EPB41L1: variants seen among roughly 807,000 people sequenced by gnomAD.
EPB41L1 encodes band 4.1-like protein 1.
A neutral mutation model predicts 97.8 loss-of-function variants in EPB41L1; 29 were observed. The ratio of observed to expected loss-of-function variants is 0.30; its 90% CI spans 0.22 to 0.40. The LOEUF (loss-of-function observed/expected upper bound fraction) is 0.40, where lower values mean the gene tolerates loss of function less well. Among genes scored for constraint, EPB41L1 ranks in the 10% least tolerant of loss-of-function variants. EPB41L1 has a pLI of 1.00. For missense variants in EPB41L1, 812 were observed against 1,162.3 expected (o/e 0.70, Z 4.38); for synonymous variants, 383 against 459.2 (o/e 0.83, Z 2.12).
rs562467481 is a variant in EPB41L1, at chr20:36,193,539, G to A, written c.1301-673G>A. ...GGCATAGTCGGATTATGCCCAATGC[G>A]TGATGCGAAGTCTAGTTCCACCCCT... On this transcript the variant is annotated intron_variant, in intron 11 of 21. Transcript: ENST00000338074. Among the ~76,000 whole-genome samples, 10 of 152,314 alleles carry A rather than the reference G, an allele frequency of 6.6e-5. No individual in the cohort carries two copies. In the South Asian group the frequency reaches 1.5e-3, roughly 22 times the overall value.
chr20:36,190,510 TTGAATTGTTGTA>T lies in EPB41L1; in HGVS notation c.1125-111_1125-100del. On this transcript the variant is annotated intron_variant, in intron 10 of 21. Transcript: ENST00000338074. The surrounding 1 kb of genome is among the most constrained non-coding windows in gnomAD (Gnocchi z 5.8). ...CAAGTCCCTCCCTTCCTGGACCACTTTGAATTGTTGTAGTTGGTGGAGTAGTGGGATGAAAGG... is the reference window on the plus strand; with the variant it reads ...CAAGTCCCTCCCTTCCTGGACCACTTGTTGGTGGAGTAGTGGGATGAAAGG... 5 of 1,543,536 alleles carry T rather than the reference TTGAATTGTTGTA, an allele frequency of 3.2e-6. No homozygotes were observed. In the South Asian group the frequency reaches 5.7e-5, roughly 18 times the overall value.
At chr20:36,201,642 A>T (rs1210372456) in intron 14 of EPB41L1, among the ~76,000 whole-genome samples, 1 of 152,134 alleles carries the variant, frequency 6.6e-6, no homozygotes, top group Non-Finnish European at 1.5e-5. Flanking sequence ...TTGTAGAGAG[A>T]TTGGTCAGGC....
chr20:36,206,174 T>C lies in EPB41L1; in HGVS notation c.1669-3314T>C. 1 of 1,289,838 alleles carries C rather than the reference T, an allele frequency of 7.8e-7. No homozygotes were observed. Among genetic ancestry groups the C allele is most frequent in the Non-Finnish European group, 1.0e-6 (1 of 988,870 alleles). The allele number at this position is 1,289,838 out of a possible 1,614,324, so 79.9% of individuals were successfully genotyped here. A position where few individuals can be genotyped will look rare whatever the true frequency, so the allele number is the denominator to read the frequency against. ...GCTGCCCTGGCTTCCGGCCGCACAT[T>C]GGCAGAAAAGCTCCTCGAGGGCTCT... On this transcript the variant is annotated intron_variant, in intron 14 of 21. Coordinates refer to ENST00000338074, the MANE Select transcript of EPB41L1 (RefSeq NM_012156.2). This position sits in a 1 kb window ranked among gnomAD's most constrained non-coding sequence, Gnocchi z 5.5.
Position 36,209,792 on chromosome 20 carries a change from C to G in EPB41L1, c.1973C>G (p.Ser658Cys). Residue 658 changes from serine (S) to cysteine (C), a missense_variant, in exon 15 of 22, where the codon TCC becomes TGC. Physicochemically the swap from Ser to Cys is moderately radical, Grantham distance 112. This residue lies in a region of EPB41L1 where 498 missense variants were observed against 622.7 expected (regional missense o/e 0.80). Coordinates refer to ENST00000338074, the MANE Select transcript of EPB41L1 (RefSeq NM_012156.2). The surrounding 1 kb of genome is among the most constrained non-coding windows in gnomAD (Gnocchi z 4.2). ...SDSDTEGLLF[S>C]RDLNKGAPSQ... ...TCGGACACTGAGGGCCTGCTGTTCT[C>G]CCGGGATCTCAACAAGGGGGCCCCC... 1 of 1,613,974 alleles carries G rather than the reference C, an allele frequency of 6.2e-7. No homozygotes were observed. The highest frequency in any genetic ancestry group is 1.1e-5 in the South Asian group (1 of 91,076).
intron 14 of EPB41L1, chr20:36,205,722 G>A: frequency 1.1e-6 from 1 of 951,050 alleles, no homozygotes; most frequent in Admixed American, 3.5e-5. Flanking sequence ...CCAGTTCTGG[G>A]GATGTGCTGT....
At chr20:36,152,739 T>G (rs2060104506), upstream of EPB41L1, 1 of 329,750 alleles carries the variant, frequency 3.0e-6, no homozygotes. Context: ...TGAGCTAAAC[T>G]CAAACAGAGC....
At chr20:36,229,295 C>T in intron 21 of EPB41L1, 37 bp from the exon 22 acceptor site, 1 of 1,552,308 alleles carries the variant, frequency 6.4e-7, no homozygotes. Flanking sequence ...CCCCCCACTC[C>T]CCACCCCCCA....
chr20:36,108,747 T>G (rs1458276811), intron 1 of EPB41L1, among the ~76,000 whole-genome samples: 1 of 152,168 alleles, frequency 6.6e-6, no homozygotes, highest in Non-Finnish European at 1.5e-5. Context: ...TGTATTTCTA[T>G]TTGACAACAC....
intron 2 of EPB41L1, among the ~76,000 whole-genome samples, chr20:36,116,445 T>G (rs921568284): frequency 2.0e-4 from 30 of 152,282 alleles, no homozygotes; most frequent in African/African-American, 7.2e-4. Flanking sequence ...CCAGGAGAGC[T>G]CAACACAGGT....
chr20:36,209,930 G>T lies in EPB41L1; in HGVS notation c.2079+32G>T, dbSNP rs151128184. On this transcript the variant is annotated intron_variant, in intron 15 of 21. Coordinates refer to ENST00000338074, the MANE Select transcript of EPB41L1 (RefSeq NM_012156.2). The surrounding 1 kb of genome is among the most constrained non-coding windows in gnomAD (Gnocchi z 4.2). Reference sequence around the variant, plus strand: ...TGGAGCTTCCTCAAGAGCCAGGCCCGCTGGGCACCGCATGCTCAGAGGGCC... The same window carrying T: ...TGGAGCTTCCTCAAGAGCCAGGCCCTCTGGGCACCGCATGCTCAGAGGGCC... The T allele has an allele frequency of 6.2e-7, 1 of 1,608,566 alleles. No homozygotes were observed. The highest frequency in any genetic ancestry group is 1.1e-5 in the South Asian group (1 of 90,302).
chr20:36,199,991 T>C (rs1175475616), intron 14 of EPB41L1, among the ~76,000 whole-genome samples: 1 of 152,186 alleles, frequency 6.6e-6, no homozygotes, highest in Admixed American at 6.5e-5. Flanking sequence ...CTCCCAGCCC[T>C]GCTCAGCCGC....
intron 14 of EPB41L1, among the ~76,000 whole-genome samples, chr20:36,198,939 T>G (rs1394469821): frequency 6.6e-6 from 1 of 152,054 alleles, no homozygotes; most frequent in Non-Finnish European, 1.5e-5. Flanking sequence ...CATGGGGATG[T>G]TGTAAGGATT....
Position 36,173,861 on chromosome 20 carries a change from G to C in EPB41L1, c.84G>C (p.Val28=). ...APQQPEAAAA[V]TTPVTPAGHG... is the part of the protein sequence containing the mutation. Reference sequence around the variant, plus strand: ...AGCAGCCCGAGGCTGCTGCCGCTGTGACCACCCCTGTGACCCCTGCAGGCC... The same window carrying C: ...AGCAGCCCGAGGCTGCTGCCGCTGTCACCACCCCTGTGACCCCTGCAGGCC... The change falls in exon 2 of 22, where the codon GTG becomes GTC. Residue 28 remains valine (V), a synonymous_variant. Transcript: ENST00000338074. 1.9e-6 allele frequency: 3 copies of C among 1,613,932 alleles called. No homozygotes were observed. Among genetic ancestry groups the C allele is most frequent in the Non-Finnish European group, 2.5e-6 (3 of 1,179,910 alleles).
At chr20:36,219,185 G>A (rs942023655) in intron 18 of EPB41L1, among the ~76,000 whole-genome samples, 2 of 152,182 alleles carry the variant, frequency 1.3e-5, no homozygotes, top group Non-Finnish European at 2.9e-5. Context: ...GTGGGGCATT[G>A]GTGACATGTG....
upstream of EPB41L1, among the ~76,000 whole-genome samples, chr20:36,154,278 C>T (rs536314077): frequency 2.1e-3 from 327 of 152,294 alleles, no homozygotes; most frequent in Non-Finnish European, 3.5e-3. The surrounding 1 kb of genome is among the most constrained non-coding windows in gnomAD (Gnocchi z 5.5). Context: ...TGAGTCACCC[C>T]TTCTGAGTCA....
chr20:36,184,317 G>C lies in EPB41L1; in HGVS notation c.567-800G>C, dbSNP rs1412324504. On this transcript the variant is annotated intron_variant, in intron 6 of 21. Transcript: ENST00000338074. Reference sequence around the variant, plus strand: ...AAAAATGGACAGGGAGGCATCGTTGGCTAAAAATGAAACTTTTTTTTAATA... The same window carrying C: ...AAAAATGGACAGGGAGGCATCGTTGCCTAAAAATGAAACTTTTTTTTAATA... Among the ~76,000 whole-genome samples the C allele has an allele frequency of 3.9e-5, 6 of 152,036 alleles. 1 individual carries two copies. In the South Asian group the frequency reaches 1.2e-3, roughly 32 times the overall value.
At position 36,197,517 on chromosome 20, in the gene EPB41L1, G is replaced by A. The variant is rs7274975; in HGVS notation, c.1486-342G>A. The stretch of plus-strand genomic sequence containing the variant: ...GGAAGTCACCTCTGTGACTAAGACC[G>A]GGCTTATAGCACCACAGGGAACTCA... On this transcript the variant is annotated intron_variant, in intron 13 of 21. Coordinates refer to ENST00000338074, the MANE Select transcript of EPB41L1 (RefSeq NM_012156.2). 1.4e-3 allele frequency: 604 copies of A among 444,480 alleles called. 5 individuals carry two copies. Among genetic ancestry groups the A allele is most frequent in the African/African-American group, 0.012 (552 of 46,988 alleles). 27.5% of individuals were successfully genotyped at this position (444,480 alleles called of 1,614,324 possible). A position where few individuals can be genotyped will look rare whatever the true frequency, so the allele number is the denominator to read the frequency against.
chr20:36,155,070 C>T (rs764402927), intron 1 of EPB41L1, 174 bp downstream of exon 1: 1 of 608,012 alleles, frequency 1.6e-6, no homozygotes, highest in South Asian at 1.5e-5. Flanking sequence ...TACCGGTCTG[C>T]AGCCTCCTCC....
intron 1 of EPB41L1, among the ~76,000 whole-genome samples, chr20:36,095,104 T>A (rs1292129573): frequency 6.6e-6 from 1 of 152,180 alleles, no homozygotes; most frequent in East Asian, 1.9e-4. Context: ...CCCAAGTAGC[T>A]GGGATTACAG....
Sources: gnomAD v4.1 joint callset for allele counts (sites outside exome capture counted in the v4.1 genomes callset) on GRCh38, gnomAD v4.1.1 for gene constraint, gnomAD v4.1.1 regional missense constraint, Gnocchi (gnomAD v3.1) non-coding constraint, MANE v1.5 for transcripts, NCBI Gene and HGNC (gene_info 2026-07-23, HGNC 2026-07-21) for gene names.